CAP2: variants seen among roughly 807,000 people sequenced by gnomAD.
CAP2 encodes the protein cyclase associated actin cytoskeleton regulatory protein 2.
In CAP2, 24 loss-of-function variants were observed where a neutral mutation model predicts 57.7. The ratio of observed to expected loss-of-function variants is 0.42; its 90% CI spans 0.30 to 0.58. CAP2 has a LOEUF of 0.58. CAP2 is among the 20% of genes least tolerant of loss of function. The probability of loss-of-function intolerance (pLI) is 0.22; values close to 1 mark genes in which losing one functional copy is unlikely to be tolerated. For missense variants in CAP2, 501 were observed against 590.3 expected, an observed-to-expected ratio of 0.85 and a Z score of 1.57; for synonymous variants, 194 against 207.2, an observed-to-expected ratio of 0.94 and a Z score of 0.55.
At chr6:17,408,470 T>C (rs6901343) in intron 1 of CAP2, among the ~76,000 whole-genome samples, 17,300 of 151,854 alleles carry the variant, frequency 0.11, 3,137 homozygotes, top group African/African-American at 0.38. Flanking sequence ...ACCTTCCACC[T>C]CCCACCTCCC....
chr6:17,552,101 G>A lies in CAP2; in HGVS notation c.1350+497G>A, dbSNP rs568621222. ...CTGGAGGTTGGATTCAGGAGGCCTA[G>A]AGTAAGGCCCAGGAATCCAGATTTT... On this transcript the variant is annotated intron_variant, in intron 12 of 12. Coordinates refer to ENST00000229922, the MANE Select transcript of CAP2 (RefSeq NM_006366.3). 3.3e-5 allele frequency among the ~76,000 whole-genome samples: 5 copies of A among 152,332 alleles called. No individual in the cohort carries two copies. The East Asian group carries it at 7.7e-4, about 23-fold the overall frequency.
At chr6:17,394,817 G>T (rs527579788) in intron 1 of CAP2, among the ~76,000 whole-genome samples, 4 of 152,170 alleles carry the variant, frequency 2.6e-5, no homozygotes, top group Non-Finnish European at 5.9e-5. Context: ...TAATTAGACT[G>T]CAAGCCTCTT....
At chr6:17,488,684 G>T (rs1232771805) in intron 4 of CAP2, among the ~76,000 whole-genome samples, 1 of 152,176 alleles carries the variant, frequency 6.6e-6, no homozygotes, top group African/African-American at 2.4e-5. Flanking sequence ...GTCACTAAGA[G>T]AATTAGCATC....
chr6:17,468,524 C>T (rs1279319295), intron 4 of CAP2, among the ~76,000 whole-genome samples: 1 of 152,170 alleles, frequency 6.6e-6, no homozygotes, highest in Non-Finnish European at 1.5e-5. Flanking sequence ...TTCAGAAGCA[C>T]CTTTCTCATT....
intron 9 of CAP2, 133 bp downstream of exon 9, chr6:17,541,281 T>A (rs1367807895): frequency 1.5e-6 from 1 of 646,288 alleles, no homozygotes; most frequent in African/African-American, 1.8e-5. Flanking sequence ...TGTATATATT[T>A]ATGGGGTACC....
At chr6:17,394,620 G>A (rs189868862) in intron 1 of CAP2, among the ~76,000 whole-genome samples, 5 of 152,286 alleles carry the variant, frequency 3.3e-5, no homozygotes, top group African/African-American at 1.2e-4. Context: ...TTATAGTTAT[G>A]GAAATGCAGA....
chr6:17,511,021 C>T (rs1317607964), intron 6 of CAP2, among the ~76,000 whole-genome samples: 2 of 152,182 alleles, frequency 1.3e-5, no homozygotes, highest in Non-Finnish European at 2.9e-5. Flanking sequence ...TCAGTATTTG[C>T]CCCTCAGTGT....
intron 1 of CAP2, among the ~76,000 whole-genome samples, chr6:17,417,937 C>T (rs1397507965): frequency 6.6e-6 from 1 of 152,192 alleles, no homozygotes; most frequent in Admixed American, 6.5e-5. Context: ...ACCTTGCTGT[C>T]TGTATTTGCT....
At chr6:17,484,122 T>G (rs9477455) in intron 4 of CAP2, among the ~76,000 whole-genome samples, 3,382 of 152,162 alleles carry the variant, frequency 0.022, 120 homozygotes, top group African/African-American at 0.076. Flanking sequence ...GTTTTTTCTT[T>G]GCAGACCAAA....
chr6:17,409,303 C>T (rs1222366219), intron 1 of CAP2, among the ~76,000 whole-genome samples: 2 of 151,532 alleles, frequency 1.3e-5, no homozygotes, highest in African/African-American at 2.4e-5. Flanking sequence ...GCCCAGGAAG[C>T]GGATGTTGCG....
chr6:17,417,538 G>A (rs1759316337), intron 1 of CAP2, among the ~76,000 whole-genome samples: 1 of 152,124 alleles, frequency 6.6e-6, no homozygotes, highest in Admixed American at 6.5e-5. Flanking sequence ...GCCTCCCAAA[G>A]TGCTAGGATT....
chr6:17,493,415 G>A, intron 4 of CAP2: 1 of 353,366 alleles, frequency 2.8e-6, no homozygotes, highest in Non-Finnish European at 5.8e-6. Context: ...TAATTGACCT[G>A]GGAAATTAAA....
At chr6:17,443,819 A>G (rs1366164462) in intron 3 of CAP2, among the ~76,000 whole-genome samples, 1 of 152,038 alleles carries the variant, frequency 6.6e-6, no homozygotes, top group East Asian at 1.9e-4. Context: ...TTGTCTTTAC[A>G]TTGTGGTTTA....
At chr6:17,442,030 T>C (rs1426945143) in intron 3 of CAP2, among the ~76,000 whole-genome samples, 1 of 152,124 alleles carries the variant, frequency 6.6e-6, no homozygotes, top group Non-Finnish European at 1.5e-5. Flanking sequence ...TACAAACAAA[T>C]TAAGCAGGAA....
At chr6:17,436,149 G>A (rs188633037) in intron 3 of CAP2, among the ~76,000 whole-genome samples, 1 of 135,584 alleles carries the variant, frequency 7.4e-6, no homozygotes, top group East Asian at 2.0e-4. Flanking sequence ...TTTCTTGATA[G>A]AGTCTCACTC....
In CAP2 at chr6:17,429,256, T is replaced by A. The variant is rs377246284; in HGVS notation, c.222+2566T>A. On this transcript the variant is annotated intron_variant, in intron 3 of 12. Transcript: ENST00000229922. ...ATCTGCAATACACTGAAAAAGATGC[T>A]TGAGTGATTGATGAACATTTTCTGT... Among the ~76,000 whole-genome samples, 32 of 152,308 alleles carry A rather than the reference T, an allele frequency of 2.1e-4. No individual in the cohort carries two copies. The Middle Eastern group carries it at 0.017, about 81-fold the overall frequency.
At chr6:17,492,990 A>G (rs1003310853) in intron 4 of CAP2, among the ~76,000 whole-genome samples, 6 of 152,220 alleles carry the variant, frequency 3.9e-5, no homozygotes, top group African/African-American at 1.4e-4. Context: ...TCAGGCAGAA[A>G]AAAATGTTTA....
intron 3 of CAP2, among the ~76,000 whole-genome samples, chr6:17,437,283 G>C (rs1471592908): frequency 1.3e-5 from 2 of 152,136 alleles, no homozygotes; most frequent in Non-Finnish European, 2.9e-5. Flanking sequence ...TTGGCCTGGA[G>C]CACAGAGCAG....
intron 1 of CAP2, among the ~76,000 whole-genome samples, chr6:17,406,412 T>TTTTTTTTTTTTTTTTTTTTTTTTTTTG (rs1197104013): frequency 7.4e-6 from 1 of 135,198 alleles, no homozygotes; most frequent in African/African-American, 3.7e-5. Flanking sequence ...TTTTTTTTTT[T>TTTTTTTTTTTTTTTTTTTTTTTTTTTG]TGAGGCAGTC....
Sources: gnomAD v4.1 joint callset for allele counts (sites outside exome capture counted in the v4.1 genomes callset) on GRCh38, gnomAD v4.1.1 for gene constraint, MANE v1.5 for transcripts, NCBI Gene and HGNC (gene_info 2026-07-23, HGNC 2026-07-21) for gene names.